Variants in PRDM16 observed in about 807,000 individuals in gnomAD.
PRDM16 encodes histone-lysine N-methyltransferase PRDM16.
A neutral mutation model predicts 110.6 loss-of-function variants in PRDM16; 23 were observed. The observed-to-expected ratio is 0.21, with a 90% CI of 0.15 to 0.29. The LOEUF (loss-of-function observed/expected upper bound fraction) is 0.29, where lower values mean the gene tolerates loss of function less well. Among genes scored for constraint, PRDM16 ranks in the 10% least tolerant of loss-of-function variants. The pLI is 1.00. For synonymous variants in PRDM16, 799 were observed against 781.8 expected, an observed-to-expected ratio of 1.02 and a Z score of -0.37; for missense variants, 1,615 against 1,794.3, an observed-to-expected ratio of 0.90 and a Z score of 1.81.
At chr1:3,429,078 C>T (rs1243690736) in intron 14 of PRDM16, among the ~76,000 whole-genome samples, 1 of 152,252 alleles carries the variant, frequency 6.6e-6, no homozygotes, top group African/African-American at 2.4e-5. Flanking sequence ...CAAGGATGGC[C>T]AAAGAGGGCC....
chr1:3,360,937 G>A (rs1212260352), intron 3 of PRDM16, among the ~76,000 whole-genome samples: 3 of 152,210 alleles, frequency 2.0e-5, no homozygotes, highest in South Asian at 2.1e-4. Context: ...GCCGTCCCGC[G>A]GCGGGAACGA....
chr1:3,162,242 G>A (rs1482802895), intron 1 of PRDM16, among the ~76,000 whole-genome samples: 1 of 152,162 alleles, frequency 6.6e-6, no homozygotes, highest in African/African-American at 2.4e-5. Context: ...AAAACCCCGT[G>A]CCCGGTAAAT....
rs74408726 is a variant in PRDM16, at chr1:3,131,301, T to C, written c.38-54824T>C. ...AACTTTGGAGCTGTTTTCTTCAAGTTAGAAAAAGGTTTATTTTGTAAAATT... is the reference window on the plus strand; with the variant it reads ...AACTTTGGAGCTGTTTTCTTCAAGTCAGAAAAAGGTTTATTTTGTAAAATT... On this transcript the variant is annotated intron_variant, in intron 1 of 16. Coordinates refer to ENST00000270722, the MANE Select transcript of PRDM16 (RefSeq NM_022114.4). Among the ~76,000 whole-genome samples, 162 of 152,366 alleles carry C rather than the reference T, an allele frequency of 1.1e-3. 2 individuals carry two copies. The East Asian group carries it at 0.03, about 29-fold the overall frequency.
At chr1:3,328,151 T>C (rs1641958843) in intron 3 of PRDM16, among the ~76,000 whole-genome samples, 1 of 152,222 alleles carries the variant, frequency 6.6e-6, no homozygotes, top group Non-Finnish European at 1.5e-5. Context: ...TAGCCAGGCC[T>C]GCGAGAAGCT....
At position 3,434,363 on chromosome 1, in the gene PRDM16, G is replaced by A. The variant is rs1175626345; in HGVS notation, c.*552G>A. ...CAAATTGTTTTTTAAAAGTAATTTTGCATTGCTTTGAAATTTGAGCTCATT... is the reference window on the plus strand; with the variant it reads ...CAAATTGTTTTTTAAAAGTAATTTTACATTGCTTTGAAATTTGAGCTCATT... On this transcript the variant is annotated 3_prime_UTR_variant, in exon 17 of 17. Transcript: ENST00000270722. 4.3e-6 allele frequency: 1 copy of A among 232,336 alleles called. No individual in the cohort carries two copies. Among genetic ancestry groups the A allele is most frequent in the African/African-American group, 2.2e-5 (1 of 45,260 alleles). The allele number at this position is 232,336 out of a possible 1,614,324, so 14.4% of individuals were successfully genotyped here.
chr1:3,427,454 G>A (rs1475792495), intron 14 of PRDM16, among the ~76,000 whole-genome samples: 1 of 152,084 alleles, frequency 6.6e-6, no homozygotes, highest in Non-Finnish European at 1.5e-5. Flanking sequence ...GTACCCACAG[G>A]GCCCAGCTCA....
intron 3 of PRDM16, chr1:3,307,515 A>C (rs1457221006): frequency 1.3e-5 from 2 of 152,138 alleles, no homozygotes; most frequent in Non-Finnish European, 2.9e-5. Context: ...GAACATTGTA[A>C]ATTTTCGTTC....
At chr1:3,193,392 A>T (rs1015206486) in intron 2 of PRDM16, among the ~76,000 whole-genome samples, 7 of 152,240 alleles carry the variant, frequency 4.6e-5, no homozygotes, top group Admixed American at 3.3e-4. Flanking sequence ...TTCAGGAAGA[A>T]GGGGCACCTG....
intron 3 of PRDM16, among the ~76,000 whole-genome samples, chr1:3,348,292 A>C (rs938738460): frequency 1.3e-5 from 2 of 152,184 alleles, no homozygotes; most frequent in Admixed American, 6.5e-5. Flanking sequence ...CTCAGTGCCC[A>C]CAAAGGCTGG....
In PRDM16 at chr1:3,186,487, G is replaced by A. The variant is rs778536634; in HGVS notation, c.387+13G>A. 12 of 1,443,784 alleles carry A rather than the reference G, an allele frequency of 8.3e-6. No individual in the cohort carries two copies. Among genetic ancestry groups the A allele is most frequent in the African/African-American group, 4.3e-5 (3 of 70,312 alleles). The allele number at this position is 1,443,784 out of a possible 1,614,324, so 89.4% of individuals were successfully genotyped here. On this transcript the variant is annotated intron_variant, in intron 2 of 16. Transcript: ENST00000270722. ...CTTCGGATGGGAGGTGAGCGATCGCGCCTGAGTATGATTGATCACGGCCAT... is the reference window on the plus strand; with the variant it reads ...CTTCGGATGGGAGGTGAGCGATCGCACCTGAGTATGATTGATCACGGCCAT...
At chr1:3,270,716 C>CAGTCGGGGAGGACAGTCCCGGAGGAGGAT (rs1640429725) in intron 3 of PRDM16, among the ~76,000 whole-genome samples, 1 of 144,146 alleles carries the variant, frequency 6.9e-6, no homozygotes, top group African/African-American at 2.6e-5. Flanking sequence ...CGGAGGAGGA[C>CAGTCGGGGAGGACAGTCCCGGAGGAGGAT]AGTCGGGAGG....
intron 1 of PRDM16, among the ~76,000 whole-genome samples, chr1:3,076,810 C>T (rs1051262582): frequency 3.3e-5 from 5 of 152,202 alleles, no homozygotes; most frequent in Non-Finnish European, 7.3e-5. Flanking sequence ...CTTAGCCTTC[C>T]GACTTACCTG....
At chr1:3,297,015 A>G (rs760802076) in intron 3 of PRDM16, among the ~76,000 whole-genome samples, 6 of 152,156 alleles carry the variant, frequency 3.9e-5, no homozygotes, top group Non-Finnish European at 5.9e-5. Flanking sequence ...CACATAATTT[A>G]TTGAATACTG....
In PRDM16 at chr1:3,114,666, ACACACATG is replaced by A. The variant is rs531870246; in HGVS notation, c.37+45382_37+45389del. On this transcript the variant is annotated intron_variant, in intron 1 of 16. Coordinates refer to ENST00000270722, the MANE Select transcript of PRDM16 (RefSeq NM_022114.4). ...CAAGCACACACACGTGCACACACAA[ACACACATG>A]CACACATGCACCCGGGTGCACACAC... 3.9e-3 allele frequency among the ~76,000 whole-genome samples: 599 copies of A among 152,216 alleles called. 2 individuals carry two copies. Among genetic ancestry groups the A allele is most frequent in the Non-Finnish European group, 7.3e-3 (497 of 68,000 alleles).
At chr1:3,170,805 C>G (rs1392232584) in intron 1 of PRDM16, among the ~76,000 whole-genome samples, 1 of 152,236 alleles carries the variant, frequency 6.6e-6, no homozygotes, top group African/African-American at 2.4e-5. Flanking sequence ...GCCCTCCCCA[C>G]CCCATGATGC....
chr1:3,181,384 ACGGCCTT>A lies in PRDM16; in HGVS notation c.38-4740_38-4734del, dbSNP rs1557508937. 5.0e-3 allele frequency among the ~76,000 whole-genome samples: 74 copies of A among 14,706 alleles called. 16 individuals carry two copies. The highest frequency in any genetic ancestry group is 8.3e-3 in the African/African-American group (70 of 8,454). 9.6% of individuals were successfully genotyped at this position (14,706 alleles called of 152,430 possible). On this transcript the variant is annotated intron_variant, in intron 1 of 16. Transcript: ENST00000270722. ...CGGTCTTACACACGCAGTCTTACAC[ACGGCCTT>A]ACGCATGGTCTTACACACGCAGTCT...
rs1274500583 is a variant in PRDM16, at chr1:3,433,748, T to G, written c.3768T>G (p.Ala1256=). 7 of 1,613,992 alleles carry G rather than the reference T, an allele frequency of 4.3e-6. No homozygotes were observed. Among genetic ancestry groups the G allele is most frequent in the Non-Finnish European group, 5.9e-6 (7 of 1,179,936 alleles). ...LHTPSQGSLD[A]WLKVTGATSE... Reference sequence around the variant, plus strand: ...CCCCCTCCCAGGGTTCTCTGGACGCTTGGTTGAAGGTCACTGGAGCCACGT... The same window carrying G: ...CCCCCTCCCAGGGTTCTCTGGACGCGTGGTTGAAGGTCACTGGAGCCACGT... Residue 1256 remains alanine (A), a synonymous_variant, in exon 17 of 17, where the codon GCT becomes GCG. Coordinates refer to ENST00000270722, the MANE Select transcript of PRDM16 (RefSeq NM_022114.4).
chr1:3,333,491 G>A (rs1642084029), intron 3 of PRDM16, among the ~76,000 whole-genome samples: 1 of 152,186 alleles, frequency 6.6e-6, no homozygotes, highest in Non-Finnish European at 1.5e-5. Flanking sequence ...ATGTGGAGAT[G>A]CAGGAAAAGG....
At chr1:3,164,187 G>A (rs911506976) in intron 1 of PRDM16, among the ~76,000 whole-genome samples, 8 of 152,264 alleles carry the variant, frequency 5.3e-5, no homozygotes, top group South Asian at 2.1e-4. Context: ...AGTATAAAGC[G>A]TGAGAAACAC....
Sources: allele counts gnomAD v4.1 joint callset (sites outside exome capture counted in the v4.1 genomes callset), GRCh38; gene constraint gnomAD v4.1.1; transcripts MANE v1.5; gene names NCBI Gene and HGNC (gene_info 2026-07-23, HGNC 2026-07-21).